MOB4: variants seen among roughly 807,000 people sequenced by gnomAD.
MOB4 encodes the protein MOB-like protein phocein.
In MOB4, 4 loss-of-function variants were observed where a neutral mutation model predicts 32.2. The ratio of observed to expected loss-of-function variants is 0.12; its 90% CI spans 0.06 to 0.28. The LOEUF is 0.28. Ranked by LOEUF, MOB4 falls within the 10% of genes least tolerant of loss-of-function variation. The pLI, the probability that MOB4 is intolerant of heterozygous loss-of-function variation, is 1.00. For missense variants in MOB4, 158 were observed against 271.2 expected, an observed-to-expected ratio of 0.58 and a Z score of 2.93; for synonymous variants, 88 against 88.1, an observed-to-expected ratio of 1.00 and a Z score of 0.01.
At chr2:197,525,743 A>G (rs761338831) in intron 2 of MOB4, among the ~76,000 whole-genome samples, 26 of 151,980 alleles carry the variant, frequency 1.7e-4, no homozygotes, top group Non-Finnish European at 1.5e-4. Flanking sequence ...AGTGCTGTTC[A>G]ATCAGCAAAT....
rs1377440097 is a variant in MOB4 at position 197,540,335 on chromosome 2, T to C, written c.268-16T>C. The C allele has an allele frequency of 2.0e-6, 3 of 1,530,324 alleles. No homozygotes were observed. Among genetic ancestry groups the C allele is most frequent in the Admixed American group, 2.2e-5 (1 of 44,702 alleles). The allele number at this position is 1,530,324 out of a possible 1,614,324, so 94.8% of individuals were successfully genotyped here. A position where few individuals can be genotyped will look rare whatever the true frequency, so the allele number is the denominator to read the frequency against. On this transcript the variant is annotated splice_polypyrimidine_tract_variant and intron_variant, in intron 4 of 7. Transcript: ENST00000323303. ...TTATTATTTTACATATTAAGAAATA[T>C]AATTATTTTTAACAGAGTGAATGCC...
Position 197,551,656 on chromosome 2 carries a change from T to C in MOB4, c.*1010T>C, listed in dbSNP as rs528631391. 6.5e-6 allele frequency: 1 copy of C among 152,878 alleles called. No homozygotes were observed. Among genetic ancestry groups the C allele is most frequent in the Admixed American group, 6.5e-5 (1 of 15,282 alleles). 9.5% of individuals were successfully genotyped at this position (152,878 alleles called of 1,614,324 possible). On this transcript the variant is annotated 3_prime_UTR_variant, in exon 8 of 8. Coordinates refer to ENST00000323303, the MANE Select transcript of MOB4 (RefSeq NM_015387.5). ...ATTAAATAGAATTGAAGAAATACCA[T>C]AGTATTTATTTTACACCCCCTCTCC...
chr2:197,518,443 G>A (rs1411192096), intron 1 of MOB4, among the ~76,000 whole-genome samples: 1 of 139,972 alleles, frequency 7.1e-6, no homozygotes. Flanking sequence ...CTAATTTTTT[G>A]CAGAAACTGG....
At chr2:197,516,745 G>T (rs1236754603) in intron 1 of MOB4, 2 of 471,508 alleles carry the variant, frequency 4.2e-6, no homozygotes, top group South Asian at 3.1e-5. Flanking sequence ...ACTAAGTTGT[G>T]ACTTGTTAGA....
At position 197,524,570 on chromosome 2, in the gene MOB4, A is replaced by G. The variant is rs370634868; in HGVS notation, c.123+884A>G. Among the ~76,000 whole-genome samples, 10 of 152,026 alleles carry G rather than the reference A, an allele frequency of 6.6e-5. No individual in the cohort carries two copies. In the East Asian group the frequency reaches 9.6e-4, roughly 15 times the overall value. ...AAACAAAAACAAAAACAAAAATACA[A>G]TTTCATTAAGGGGCTAATAAAAAGA... On this transcript the variant is annotated intron_variant, in intron 2 of 7. Coordinates refer to ENST00000323303, the MANE Select transcript of MOB4 (RefSeq NM_015387.5).
At chr2:197,540,542 T>C in intron 5 of MOB4, 105 bp downstream of exon 5, 1 of 1,113,194 alleles carries the variant, frequency 9.0e-7, no homozygotes, top group Non-Finnish European at 1.2e-6. Context: ...CTGTTCATTT[T>C]GCTATTTCAT....
At chr2:197,516,673 C>A (rs765282794) in intron 1 of MOB4, 3 of 471,522 alleles carry the variant, frequency 6.4e-6, no homozygotes, top group African/African-American at 2.0e-5. Flanking sequence ...CCTTGTTTCC[C>A]TTTGACCACC....
At chr2:197,524,536 A>C (rs914673814) in intron 2 of MOB4, among the ~76,000 whole-genome samples, 5 of 148,502 alleles carry the variant, frequency 3.4e-5, no homozygotes, top group African/African-American at 5.1e-5. Flanking sequence ...GTCTCAAAAA[A>C]AAAAAAAAAA....
At chr2:197,529,167 A>G (rs796386184) in intron 2 of MOB4, among the ~76,000 whole-genome samples, 11 of 151,674 alleles carry the variant, frequency 7.3e-5, no homozygotes, top group African/African-American at 2.7e-4. Context: ...TAGTACAGAC[A>G]GGGTTTCACC....
At chr2:197,537,924 C>A (rs190024070) in intron 3 of MOB4, among the ~76,000 whole-genome samples, 3 of 152,174 alleles carry the variant, frequency 2.0e-5, no homozygotes, top group African/African-American at 7.2e-5. Context: ...GGACTACAGG[C>A]ACACGCCACC....
intron 1 of MOB4, among the ~76,000 whole-genome samples, chr2:197,517,594 A>T (rs2086437535): frequency 6.6e-6 from 1 of 152,196 alleles, no homozygotes; most frequent in Non-Finnish European, 1.5e-5. Flanking sequence ...TAATATCGTA[A>T]CATACTTGCT....
intron 1 of MOB4, among the ~76,000 whole-genome samples, chr2:197,518,869 C>T (rs1254109157): frequency 6.6e-6 from 1 of 152,168 alleles, no homozygotes; most frequent in African/African-American, 2.4e-5. Context: ...TGTTCTTCTG[C>T]CTCGGCCTCC....
intron 2 of MOB4, among the ~76,000 whole-genome samples, chr2:197,527,750 C>T (rs576556502): frequency 6.6e-6 from 1 of 152,268 alleles, no homozygotes; most frequent in African/African-American, 2.4e-5. Flanking sequence ...ACCCTTGAGT[C>T]TGAGGTTAGC....
At chr2:197,533,552 C>G (rs1478411813) in intron 2 of MOB4, among the ~76,000 whole-genome samples, 1 of 151,974 alleles carries the variant, frequency 6.6e-6, no homozygotes, top group Non-Finnish European at 1.5e-5. Flanking sequence ...TGGCGAAACC[C>G]TGTCTCTACA....
At chr2:197,520,411 G>A (rs569269985) in intron 1 of MOB4, among the ~76,000 whole-genome samples, 5 of 152,014 alleles carry the variant, frequency 3.3e-5, no homozygotes, top group Non-Finnish European at 7.4e-5. Flanking sequence ...AGTGCTGAGC[G>A]TGAGCCACCG....
chr2:197,540,194 G>T, intron 4 of MOB4, 41 bp downstream of exon 4: 1 of 1,587,228 alleles, frequency 6.3e-7, no homozygotes, highest in South Asian at 1.2e-5. Context: ...TGAAAGTTCT[G>T]ATTTTTTTTT....
In MOB4 at chr2:197,535,707, A is replaced by G. The variant is rs1182818525; in HGVS notation, c.224+77A>G. 13 of 1,505,908 alleles carry G rather than the reference A, an allele frequency of 8.6e-6. No homozygotes were observed. In the East Asian group the frequency reaches 2.8e-4, roughly 33 times the overall value. The allele number at this position is 1,505,908 out of a possible 1,614,324, so 93.3% of individuals were successfully genotyped here. A position where few individuals can be genotyped will look rare whatever the true frequency, so the allele number is the denominator to read the frequency against. ...ATATTAATGATAATTATGAATTGTA[A>G]AATTTACTATGTAACTGCAGACTAA... On this transcript the variant is annotated intron_variant, in intron 3 of 7. Transcript: ENST00000323303.
intron 1 of MOB4, among the ~76,000 whole-genome samples, chr2:197,520,764 A>G (rs575446138): frequency 1.3e-5 from 2 of 152,092 alleles, no homozygotes; most frequent in Non-Finnish European, 2.9e-5. Context: ...CTCTATAAAA[A>G]TATCCCCCTT....
chr2:197,541,434 T>G (rs565191465), intron 5 of MOB4, among the ~76,000 whole-genome samples: 2 of 152,306 alleles, frequency 1.3e-5, no homozygotes, highest in African/African-American at 4.8e-5. Flanking sequence ...GTCATTATAT[T>G]GATAGACTTC....
Sources: allele counts gnomAD v4.1 joint callset (sites outside exome capture counted in the v4.1 genomes callset), GRCh38; gene constraint gnomAD v4.1.1; transcripts MANE v1.5; gene names NCBI Gene and HGNC (gene_info 2026-07-23, HGNC 2026-07-21).